FAM124A: variants seen among roughly 807,000 people sequenced by gnomAD.
The protein encoded by FAM124A is protein FAM124A.
FAM124A carries 23 observed loss-of-function variants against 24.5 expected under a neutral mutation model. That is an observed-to-expected ratio of 0.94 (90% CI 0.68 to 1.33). FAM124A has a LOEUF of 1.33. FAM124A is among the 40% of genes most tolerant of loss of function. The probability of loss-of-function intolerance (pLI) is 0.00; values close to 1 mark genes in which losing one functional copy is unlikely to be tolerated. For missense variants in FAM124A, 623 were observed against 722.8 expected (o/e 0.86, Z 1.58); for synonymous variants, 287 against 314.7 (o/e 0.91, Z 0.93).
intron 2 of FAM124A, chr13:51,245,484 A>G (rs191179731): frequency 8.8e-4 from 428 of 487,328 alleles, no homozygotes; most frequent in Non-Finnish European, 1.0e-3. Context: ...TTGCTTATCT[A>G]CATCTACAGC....
intron 2 of FAM124A, among the ~76,000 whole-genome samples, chr13:51,244,792 T>C (rs1329983598): frequency 2.6e-5 from 4 of 152,198 alleles, no homozygotes; most frequent in African/African-American, 9.6e-5. Context: ...ACAGGCAGAC[T>C]GCCCTCTTCT....
chr13:51,266,020 G>A (rs1954781996), intron 3 of FAM124A, among the ~76,000 whole-genome samples: 1 of 152,192 alleles, frequency 6.6e-6, no homozygotes, highest in Non-Finnish European at 1.5e-5. Context: ...TAGATAATAT[G>A]TGTGCATATG....
intron 1 of FAM124A, among the ~76,000 whole-genome samples, chr13:51,222,949 G>C (rs1333798090): frequency 6.6e-6 from 1 of 152,190 alleles, no homozygotes; most frequent in Non-Finnish European, 1.5e-5. Context: ...CCTGGAGATC[G>C]GGAGAGGAAG....
intron 3 of FAM124A, among the ~76,000 whole-genome samples, chr13:51,259,793 C>T (rs1954715146): frequency 6.6e-6 from 1 of 152,174 alleles, no homozygotes; most frequent in African/African-American, 2.4e-5. Context: ...AGGGCAGGGA[C>T]TTGGTCTTGT....
intron 3 of FAM124A, among the ~76,000 whole-genome samples, chr13:51,266,605 A>G (rs1295352892): frequency 1.3e-5 from 2 of 152,234 alleles, no homozygotes; most frequent in African/African-American, 4.8e-5. Context: ...GTAAGTCAGA[A>G]TGGAAGTGGC....
chr13:51,280,814 T>C lies in FAM124A; in HGVS notation c.1199T>C (p.Leu400Pro), dbSNP rs1954929146. The C allele has an allele frequency of 6.2e-7, 1 of 1,613,924 alleles. No individual in the cohort carries two copies. Among genetic ancestry groups the C allele is most frequent in the African/African-American group, 1.3e-5 (1 of 74,902 alleles). ...HRASEWRHGH[L>P]LSIDDLEGAQ... ...GCATCAGAGTGGAGGCATGGCCACC[T>C]CCTCTCCATCGATGACCTAGAGGGG... The change falls in exon 4 of 4, where the codon CTC becomes CCC. Residue 400 changes from leucine to proline, a missense_variant. Leu to Pro is a moderately conservative substitution (Grantham distance 98, BLOSUM62 -3). Coordinates refer to ENST00000322475, the MANE Select transcript of FAM124A (RefSeq NM_001242312.2).
chr13:51,228,606 C>T (rs955615211), intron 1 of FAM124A, among the ~76,000 whole-genome samples: 4 of 152,180 alleles, frequency 2.6e-5, no homozygotes, highest in African/African-American at 9.7e-5. Flanking sequence ...TGCTGTTCCT[C>T]TTGCCTAAAA....
chr13:51,223,212 ATTCTC>A (rs1344067331), intron 1 of FAM124A, among the ~76,000 whole-genome samples: 5 of 146,862 alleles, frequency 3.4e-5, no homozygotes, highest in African/African-American at 1.3e-4. Context: ...TTTTTTTAAT[ATTCTC>A]TTCGCTTCAG....
chr13:51,271,717 A>G (rs570290424), intron 3 of FAM124A, among the ~76,000 whole-genome samples: 4 of 152,274 alleles, frequency 2.6e-5, no homozygotes, highest in African/African-American at 9.6e-5. Context: ...GCATGATTTC[A>G]TGACAATCTC....
chr13:51,280,923 G>T lies in FAM124A; in HGVS notation c.1308G>T (p.Arg436Ser). ...SVVSAYSAPS[R>S]FCSTVETPLP... ...TCTCTGCATATTCTGCACCCAGTAG[G>T]TTCTGCAGCACAGTGGAGACACCCC... The change falls in exon 4 of 4, where the codon AGG (arginine) becomes AGT (serine). Residue 436 changes from arginine to serine, a missense_variant. Physicochemically the swap from Arg to Ser is moderately radical, Grantham distance 110. Transcript: ENST00000322475. 6.2e-7 allele frequency: 1 copy of T among 1,614,134 alleles called. No individual in the cohort carries two copies. The highest frequency in any genetic ancestry group is 1.1e-5 in the South Asian group (1 of 91,076).
rs564900941 is a variant in FAM124A, at chr13:51,272,191, C to G, written c.835-8259C>G. Among the ~76,000 whole-genome samples, 6 of 152,232 alleles carry G rather than the reference C, an allele frequency of 3.9e-5. No homozygotes were observed. Among genetic ancestry groups the G allele is most frequent in the African/African-American group, 1.4e-4 (6 of 41,526 alleles). ...CCCAGTTCAGCAAAACCAGAATATC[C>G]TTTTCCCCCTATCTTCTTACAAGGA... is the stretch of plus-strand genomic sequence containing the variant. On this transcript the variant is annotated intron_variant, in intron 3 of 3. Transcript: ENST00000322475. This position sits in a 1 kb window ranked among gnomAD's most constrained non-coding sequence, Gnocchi z 4.2.
intron 3 of FAM124A, among the ~76,000 whole-genome samples, chr13:51,280,240 G>A (rs569349762): frequency 2.6e-5 from 4 of 152,228 alleles, no homozygotes; most frequent in South Asian, 2.1e-4. Context: ...TCCTAGCCTC[G>A]GAGATGGCTC....
chr13:51,243,398 C>T (rs1954521820), intron 2 of FAM124A, among the ~76,000 whole-genome samples: 1 of 152,206 alleles, frequency 6.6e-6, no homozygotes, highest in Non-Finnish European at 1.5e-5. Flanking sequence ...TTGGAGGCCC[C>T]TTTCTGAAGG....
chr13:51,239,671 A>G lies in FAM124A; in HGVS notation c.100+8292A>G, dbSNP rs374816395. Among the ~76,000 whole-genome samples, 9 of 152,148 alleles carry G rather than the reference A, an allele frequency of 5.9e-5. No homozygotes were observed. In the East Asian group the frequency reaches 7.7e-4, roughly 13 times the overall value. ...TTCCTTATTAGAAAAAACTCCTACA[A>G]TTGGAATTGCTGGGGTAAAAACTGT... On this transcript the variant is annotated intron_variant, in intron 2 of 3. Coordinates refer to ENST00000322475, the MANE Select transcript of FAM124A (RefSeq NM_001242312.2).
chr13:51,232,074 A>G (rs1350708519), intron 2 of FAM124A, among the ~76,000 whole-genome samples: 1 of 152,216 alleles, frequency 6.6e-6, no homozygotes, highest in Non-Finnish European at 1.5e-5. Context: ...ATTTTTATCA[A>G]TCCATCATCC....
At chr13:51,267,849 GCCGTGTTAGAATAACCCAGTC>G (rs1325393834) in intron 3 of FAM124A, among the ~76,000 whole-genome samples, 1 of 152,202 alleles carries the variant, frequency 6.6e-6, no homozygotes, top group South Asian at 2.1e-4. Context: ...ACACAGAAGT[GCCGTGTTAGAATAACCCAGTC>G]CCGCCTCCCT....
intron 2 of FAM124A, among the ~76,000 whole-genome samples, chr13:51,242,283 T>G (rs1954505260): frequency 6.6e-6 from 1 of 152,230 alleles, no homozygotes; most frequent in African/African-American, 2.4e-5. Context: ...TTAAAATTAC[T>G]GAGTAGAAGA....
chr13:51,245,212 C>G, intron 2 of FAM124A: 1 of 471,594 alleles, frequency 2.1e-6, no homozygotes, highest in South Asian at 4.3e-5. Context: ...ACCAGGTGTG[C>G]CATTTGCATA....
intron 3 of FAM124A, among the ~76,000 whole-genome samples, chr13:51,254,254 G>A (rs567670447): frequency 1.8e-4 from 27 of 152,242 alleles, no homozygotes; most frequent in African/African-American, 6.0e-4. Flanking sequence ...TGATTGGGTA[G>A]TTTTTAGTTG....
Sources: gnomAD v4.1 joint callset for allele counts (sites outside exome capture counted in the v4.1 genomes callset) on GRCh38, gnomAD v4.1.1 for gene constraint, Gnocchi (gnomAD v3.1) non-coding constraint, MANE v1.5 for transcripts, NCBI Gene and HGNC (gene_info 2026-07-23, HGNC 2026-07-21) for gene names.